Variants in NELL1 observed in about 807,000 individuals in gnomAD.
The protein encoded by NELL1 is neural EGFL like 1, also known as protein kinase C-binding protein NELL1.
In NELL1, 76 loss-of-function variants were observed where a neutral mutation model predicts 107.4. The observed-to-expected ratio is 0.71, with a 90% CI of 0.59 to 0.86. The LOEUF is 0.86. Ranked by LOEUF, NELL1 falls within the 40% of genes least tolerant of loss-of-function variation. The pLI is 0.00. For synonymous variants in NELL1, 353 were observed against 341.2 expected, an observed-to-expected ratio of 1.03 and a Z score of -0.38; for missense variants, 1,024 against 1,005.5, an observed-to-expected ratio of 1.02 and a Z score of -0.25.
intron 13 of NELL1, among the ~76,000 whole-genome samples, chr11:21,166,949 GT>G (rs907715869): frequency 1.3e-5 from 2 of 151,790 alleles, no homozygotes; most frequent in African/African-American, 4.9e-5. Flanking sequence ...AGCTTTCTTT[GT>G]TCGTAGGATA....
At chr11:20,848,705 C>T (rs1265411154) in intron 4 of NELL1, among the ~76,000 whole-genome samples, 6 of 152,120 alleles carry the variant, frequency 3.9e-5, no homozygotes, top group South Asian at 2.1e-4. Flanking sequence ...TTCCAAAAAC[C>T]ATCAAGAGGA....
Position 20,824,840 on chromosome 11 carries a change from G to A in NELL1, c.336-22743G>A, listed in dbSNP as rs1042119784. Among the ~76,000 whole-genome samples, 51 of 151,342 alleles carry A rather than the reference G, an allele frequency of 3.4e-4. 1 individual carries two copies. The highest frequency in any genetic ancestry group is 8.9e-4 in the African/African-American group (37 of 41,356). The stretch of plus-strand genomic sequence containing the variant: ...AACATAAAAGTTTGGAAAGTTTGTA[G>A]ACTGACAATGCGATAGAAAAAATCC... On this transcript the variant is annotated intron_variant, in intron 3 of 19. Transcript: ENST00000357134.
At chr11:20,759,905 C>A (rs1393051326) in intron 2 of NELL1, among the ~76,000 whole-genome samples, 2 of 152,182 alleles carry the variant, frequency 1.3e-5, no homozygotes, top group Non-Finnish European at 2.9e-5. Context: ...CCCTGCTTTG[C>A]CCAGAATCCA....
At chr11:20,778,111 C>T (rs986576663) in intron 2 of NELL1, among the ~76,000 whole-genome samples, 1 of 152,244 alleles carries the variant, frequency 6.6e-6, no homozygotes, top group African/African-American at 2.4e-5. Context: ...TCTTCTCCCT[C>T]TCTCCTGCCT....
At chr11:21,064,248 C>T (rs897231288) in intron 12 of NELL1, among the ~76,000 whole-genome samples, 1 of 152,078 alleles carries the variant, frequency 6.6e-6, no homozygotes, top group East Asian at 1.9e-4. Flanking sequence ...TCTGAGTGAA[C>T]TCTTCCATTT....
chr11:20,880,967 G>T (rs1185577715), intron 4 of NELL1, among the ~76,000 whole-genome samples: 1 of 152,068 alleles, frequency 6.6e-6, no homozygotes, highest in Non-Finnish European at 1.5e-5. Flanking sequence ...CTTAGAAGTG[G>T]GGCACAACCT....
At position 21,048,382 on chromosome 11, in the gene NELL1, G is replaced by A. The variant is rs76107030; in HGVS notation, c.1301-65207G>A. 4.5e-3 allele frequency among the ~76,000 whole-genome samples: 690 copies of A among 152,222 alleles called. 1 individual carries two copies. Among genetic ancestry groups the A allele is most frequent in the Non-Finnish European group, 8.0e-3 (544 of 68,002 alleles). On this transcript the variant is annotated intron_variant, in intron 12 of 19. Coordinates refer to ENST00000357134, the MANE Select transcript of NELL1 (RefSeq NM_006157.5). ...CATATTCATTTAAAAAAGTGAAAGTGTTTTTCATACCTTTGGGTCTTCTGT... is the reference window on the plus strand; with the variant it reads ...CATATTCATTTAAAAAAGTGAAAGTATTTTTCATACCTTTGGGTCTTCTGT...
intron 15 of NELL1, among the ~76,000 whole-genome samples, chr11:21,399,053 A>AG (rs1336199227): frequency 2.0e-5 from 3 of 151,352 alleles, no homozygotes; most frequent in Non-Finnish European, 4.4e-5. Flanking sequence ...AAGAAAAAAA[A>AG]AATATTAGAC....
At chr11:21,147,808 C>G (rs1031310018) in intron 13 of NELL1, among the ~76,000 whole-genome samples, 1 of 125,470 alleles carries the variant, frequency 8.0e-6, no homozygotes, top group Non-Finnish European at 1.6e-5. Context: ...TGCACCCCAG[C>G]CTGGGCAACA....
chr11:21,486,977 T>C (rs969027998), intron 15 of NELL1, among the ~76,000 whole-genome samples: 8 of 152,116 alleles, frequency 5.3e-5, no homozygotes, highest in African/African-American at 1.9e-4. Flanking sequence ...TGGGACACCA[T>C]AAACCAACTG....
chr11:20,866,088 T>C (rs1351950883), intron 4 of NELL1, among the ~76,000 whole-genome samples: 1 of 152,192 alleles, frequency 6.6e-6, no homozygotes, highest in African/African-American at 2.4e-5. Context: ...ACAAAGAGTG[T>C]ACAAATGTTA....
At chr11:21,046,883 C>CT (rs764153542) in intron 12 of NELL1, among the ~76,000 whole-genome samples, 1,447 of 141,212 alleles carry the variant, frequency 0.01, 7 homozygotes, top group South Asian at 0.022. Flanking sequence ...AATTTTTAAA[C>CT]TTTTTTTTTT....
intron 13 of NELL1, among the ~76,000 whole-genome samples, chr11:21,127,852 G>A (rs1317961779): frequency 1.3e-5 from 2 of 152,150 alleles, no homozygotes; most frequent in South Asian, 4.1e-4. Context: ...CTTGTTTATG[G>A]TTAAAAATAT....
intron 1 of NELL1, 41 bp from the exon 2 acceptor site, chr11:20,677,891 G>A: frequency 6.8e-6 from 11 of 1,611,060 alleles, no homozygotes; most frequent in Non-Finnish European, 9.3e-6. Flanking sequence ...GCTAGTAACA[G>A]TCTGCATTTT....
chr11:20,930,916 G>A (rs1002581911), intron 9 of NELL1, among the ~76,000 whole-genome samples: 1 of 151,120 alleles, frequency 6.6e-6, no homozygotes, highest in Admixed American at 6.6e-5. Flanking sequence ...TAATAAAGTG[G>A]GAATACAAAT....
chr11:21,371,050 C>A, intron 15 of NELL1, 102 bp downstream of exon 15: 1 of 883,660 alleles, frequency 1.1e-6, no homozygotes, highest in South Asian at 1.7e-5. Flanking sequence ...TGTGGGTTGA[C>A]TTGATACATT....
intron 17 of NELL1, 46 bp from the exon 18 acceptor site, chr11:21,570,718 A>G (rs367585314): frequency 1.7e-5 from 27 of 1,578,976 alleles, no homozygotes; most frequent in Middle Eastern, 1.7e-4. Context: ...GTAGCTGTCC[A>G]TCATGTCCTA....
intron 15 of NELL1, among the ~76,000 whole-genome samples, chr11:21,422,091 ACATATGTG>A (rs1395935873): frequency 3.9e-5 from 1 of 25,432 alleles, no homozygotes; most frequent in African/African-American, 2.0e-4. Context: ...AGACATTTAC[ACATATGTG>A]TGTGTGTGTG....
intron 14 of NELL1, among the ~76,000 whole-genome samples, chr11:21,257,932 C>T (rs916706039): frequency 1.3e-5 from 2 of 151,948 alleles, no homozygotes; most frequent in African/African-American, 4.8e-5. Flanking sequence ...AGTCTCTTTT[C>T]CTCAATCTGA....
Sources: allele counts gnomAD v4.1 joint callset (sites outside exome capture counted in the v4.1 genomes callset), GRCh38; gene constraint gnomAD v4.1.1; transcripts MANE v1.5; gene names NCBI Gene and HGNC (gene_info 2026-07-23, HGNC 2026-07-21).